CXorf58: variants seen among roughly 807,000 people sequenced by gnomAD.
The protein encoded by CXorf58 is chromosome X open reading frame 58.
A neutral mutation model predicts 26.0 loss-of-function variants in CXorf58; 24 were observed. The ratio of observed to expected loss-of-function variants is 0.92; its 90% CI spans 0.67 to 1.30. CXorf58 has a LOEUF of 1.30. Ranked by LOEUF, CXorf58 falls within the 50% of genes most tolerant of loss-of-function variation. The pLI, the probability that CXorf58 is intolerant of heterozygous loss-of-function variation, is 0.00. For synonymous variants in CXorf58, 87 were observed against 86.1 expected, an observed-to-expected ratio of 1.01 and a Z score of -0.06; for missense variants, 236 against 263.9, an observed-to-expected ratio of 0.89 and a Z score of 0.73.
At chrX:23,909,108 G>A (rs1470869545) in intron 1 of CXorf58, among the ~76,000 whole-genome samples, 1 of 111,734 alleles carries the variant, frequency 8.9e-6, no homozygotes, top group Non-Finnish European at 1.9e-5. Flanking sequence ...TATATTCCAA[G>A]GCATCCCCAA....
rs770446581 is a variant in CXorf58 at position 23,911,789 on chromosome X, A to G, written c.149A>G (p.Gln50Arg). The G allele has an allele frequency of 8.3e-7, 1 of 1,200,626 alleles. No homozygotes were observed. The highest frequency in any genetic ancestry group is 1.1e-6 in the Non-Finnish European group (1 of 887,704). Residue 50 changes from glutamine to arginine, a missense_variant, in exon 3 of 9, where the codon CAG (glutamine) becomes CGG (arginine). Physicochemically the swap from Gln to Arg is conservative, Grantham distance 43 (BLOSUM62 1). Transcript: ENST00000379211. The stretch of plus-strand genomic sequence containing the variant: ...AAAGACATTTCAGCTCAAATAATAC[A>G]GAGGGCTTGGTTATCTCATACAAAC... ...MLKDISAQII[Q>R]RAWLSHTNKM...
At chrX:23,923,417 A>G (rs1303133504) in intron 5 of CXorf58, among the ~76,000 whole-genome samples, 2 of 109,112 alleles carry the variant, frequency 1.8e-5, no homozygotes, top group Admixed American at 1.0e-4. Flanking sequence ...TGGGCGGATC[A>G]CTTGAGGTCA....
intron 6 of CXorf58, among the ~76,000 whole-genome samples, chrX:23,934,288 G>GTAAAAAGAGTCGTGGA (rs376945021): frequency 1.2e-4 from 14 of 112,018 alleles, no homozygotes; most frequent in African/African-American, 4.5e-4. Context: ...TGAGTAGTCA[G>GTAAAAAGAGTCGTGGA]AGAGAGATCC....
intron 6 of CXorf58, among the ~76,000 whole-genome samples, chrX:23,933,343 C>T (rs1433600901): frequency 2.7e-5 from 3 of 111,056 alleles, no homozygotes; most frequent in Non-Finnish European, 5.7e-5. Context: ...ACTGTAGCTC[C>T]TCCTGCCCTA....
At chrX:23,908,641 G>A (rs930037963) in intron 1 of CXorf58, among the ~76,000 whole-genome samples, 1 of 112,133 alleles carries the variant, frequency 8.9e-6, no homozygotes, top group East Asian at 2.8e-4. Context: ...CTGTGTTCTA[G>A]CCAAAACAAT....
intron 5 of CXorf58, 51 bp downstream of exon 5, chrX:23,916,379 C>G (rs1342075719): frequency 1.3e-6 from 1 of 754,047 alleles, no homozygotes; most frequent in Non-Finnish European, 2.0e-6. Flanking sequence ...TTAACATCTA[C>G]ATAGTATCTG....
At chrX:23,924,512 G>A (rs1314714168) in intron 5 of CXorf58, among the ~76,000 whole-genome samples, 1 of 109,194 alleles carries the variant, frequency 9.2e-6, no homozygotes, top group Non-Finnish European at 1.9e-5. Context: ...TAGTAGAGAC[G>A]GGGTTTCACC....
chrX:23,930,642 G>A (rs1928145850), intron 6 of CXorf58, among the ~76,000 whole-genome samples: 2 of 108,403 alleles, frequency 1.8e-5, no homozygotes, highest in South Asian at 7.8e-4. Flanking sequence ...CCAGTCTTCA[G>A]CAACCAGTAC....
intron 5 of CXorf58, among the ~76,000 whole-genome samples, chrX:23,926,291 C>T (rs1411603307): frequency 9.0e-6 from 1 of 111,022 alleles, no homozygotes; most frequent in East Asian, 2.8e-4. Flanking sequence ...ATAAGTAGGG[C>T]CCAACAGGAT....
intron 5 of CXorf58, among the ~76,000 whole-genome samples, chrX:23,926,838 C>T (rs1235927966): frequency 2.7e-5 from 3 of 111,272 alleles, no homozygotes; most frequent in African/African-American, 6.5e-5. Context: ...GCTAACACGG[C>T]GAAAGCTGGT....
chrX:23,916,171 G>A, intron 4 of CXorf58, 46 bp from the exon 5 acceptor site: 6 of 837,242 alleles, frequency 7.2e-6, no homozygotes, highest in Non-Finnish European at 1.0e-5. Flanking sequence ...AAGCAACTGA[G>A]CCCAAAACCT....
intron 7 of CXorf58, among the ~76,000 whole-genome samples, chrX:23,936,617 G>A (rs1212019682): frequency 9.0e-6 from 1 of 111,715 alleles, no homozygotes; most frequent in East Asian, 2.8e-4. Flanking sequence ...GGACCTACTG[G>A]TAATCTATTT....
intron 6 of CXorf58, among the ~76,000 whole-genome samples, chrX:23,931,407 T>C (rs1487344629): frequency 8.9e-6 from 1 of 112,011 alleles, no homozygotes; most frequent in Admixed American, 9.6e-5. Context: ...GTTATCTTCT[T>C]TCATCTTCAA....
chrX:23,919,421 T>C (rs1414394021), intron 5 of CXorf58, among the ~76,000 whole-genome samples: 1 of 112,594 alleles, frequency 8.9e-6, no homozygotes, highest in Non-Finnish European at 1.9e-5. Context: ...TCTGCTCGAT[T>C]ATTTTTAATT....
intron 5 of CXorf58, among the ~76,000 whole-genome samples, chrX:23,926,827 G>A (rs1433936456): frequency 9.0e-6 from 1 of 111,565 alleles, no homozygotes; most frequent in Non-Finnish European, 1.9e-5. Flanking sequence ...AGACCATCCT[G>A]GCTAACACGG....
intron 6 of CXorf58, among the ~76,000 whole-genome samples, chrX:23,929,723 G>T (rs1429910201): frequency 8.9e-6 from 1 of 112,434 alleles, no homozygotes; most frequent in African/African-American, 3.2e-5. Context: ...TTTCAATGTA[G>T]ACAAAATGGC....
intron 5 of CXorf58, among the ~76,000 whole-genome samples, chrX:23,922,863 A>G (rs1425038116): frequency 1.8e-5 from 2 of 112,339 alleles, no homozygotes; most frequent in African/African-American, 6.5e-5. Flanking sequence ...TAGCTTTACA[A>G]GCCCAAGTGT....
intron 5 of CXorf58, among the ~76,000 whole-genome samples, chrX:23,924,302 TTTTA>T (rs537677465): frequency 0.028 from 2,820 of 100,406 alleles, 96 homozygotes; most frequent in African/African-American, 0.095. Flanking sequence ...ACTATCTTTA[TTTTA>T]TTTATTTATT....
intron 5 of CXorf58, among the ~76,000 whole-genome samples, chrX:23,918,604 G>A (rs756111620): frequency 2.2e-4 from 25 of 111,972 alleles, no homozygotes; most frequent in African/African-American, 7.5e-4. Context: ...CAACATATGA[G>A]TAGTTTACAC....
Sources: gnomAD v4.1 joint callset for allele counts (sites outside exome capture counted in the v4.1 genomes callset) on GRCh38, gnomAD v4.1.1 for gene constraint, MANE v1.5 for transcripts, NCBI Gene and HGNC (gene_info 2026-07-23, HGNC 2026-07-21) for gene names.